The following PSMB8 variants were observed in gnomAD, a reference collection of about 807,000 sequenced individuals.
The protein encoded by PSMB8 is proteasome 20S subunit beta 8.
PSMB8 carries 20 observed loss-of-function variants against 32.3 expected under a neutral mutation model. The observed-to-expected ratio is 0.62, with a 90% CI of 0.44 to 0.90. The LOEUF is 0.90. Ranked by LOEUF, PSMB8 falls within the 40% of genes least tolerant of loss-of-function variation. The pLI is 0.00. For synonymous variants in PSMB8, 131 were observed against 135.4 expected, an observed-to-expected ratio of 0.97 and a Z score of 0.23; for missense variants, 342 against 365.4, an observed-to-expected ratio of 0.94 and a Z score of 0.52.
Position 32,843,965 on chromosome 6 carries a change from C to CG in PSMB8, c.31dup (p.Arg11ProfsTer58), listed in dbSNP as rs775701157. 4.3e-6 allele frequency: 7 copies of CG among 1,612,210 alleles called. No individual in the cohort carries two copies. Among genetic ancestry groups the CG allele is most frequent in the Admixed American group, 3.3e-5 (2 of 59,930 alleles). ...GAGAGCCGATTCCGGCCGCTGCCCT[C>CG]GGGGGGCTCCGCATACATCTAGTAG... On this transcript the variant is annotated frameshift_variant, in exon 1 of 6. Coordinates refer to ENST00000374882, the MANE Select transcript of PSMB8 (RefSeq NM_148919.4). LOFTEE classifies it high-confidence loss of function.
upstream of PSMB8, chr6:32,844,595 TAA>T: frequency 3.0e-6 from 2 of 664,540 alleles, no homozygotes; most frequent in Non-Finnish European, 5.1e-6. Context: ...AACGGTCTCC[TAA>T]CCTGTAGTCA....
chr6:32,840,920 A>T lies in PSMB8; in HGVS notation c.*39T>A. ...GGCTTAGGTCCCTGAGTCGGCCAAG[A>T]CCTCCCAGAGGAGACCTGCCCAGCT... On this transcript the variant is annotated 3_prime_UTR_variant, in exon 6 of 6. Transcript: ENST00000374882. 1 of 1,553,782 alleles carries T rather than the reference A, an allele frequency of 6.4e-7. No homozygotes were observed. Among genetic ancestry groups the T allele is most frequent in the Middle Eastern group, 1.7e-4 (1 of 5,972 alleles).
intron 4 of PSMB8, 97 bp from the exon 5 acceptor site, chr6:32,841,832 T>C: frequency 8.0e-7 from 1 of 1,251,406 alleles, no homozygotes. Context: ...AAAGAATTAA[T>C]ATTACCACAA....
intron 3 of PSMB8, 51 bp from the exon 4 acceptor site, chr6:32,842,314 TTGATGGGGCAGGAAA>T: frequency 6.2e-7 from 1 of 1,600,722 alleles, no homozygotes; most frequent in Non-Finnish European, 8.6e-7. Context: ...TCTTTCCAAC[TTGATGGGGCAGGAAA>T]TGATTAAAGA....
chr6:32,844,566 C>G (rs1770208680), upstream of PSMB8: 1 of 866,946 alleles, frequency 1.2e-6, no homozygotes, highest in African/African-American at 1.7e-5. Context: ...GGGGTCCATC[C>G]TAGGGCCCCT....
At position 32,843,036 on chromosome 6, in the gene PSMB8, A is replaced by C. The variant is rs1051889148; in HGVS notation, c.201T>G (p.Ile67Met). The change falls in exon 2 of 6, where the codon ATT becomes ATG. Residue 67 changes from isoleucine to methionine, a missense_variant. Physicochemically the swap from Ile to Met is conservative, Grantham distance 10. Transcript: ENST00000374882. ...LGGDGERNVQIEMAHGTTTLA... is the reference protein window; with the variant it reads ...LGGDGERNVQMEMAHGTTTLA... The stretch of plus-strand genomic sequence containing the variant: ...GCGTGGTGGTGCCATGGGCCATCTC[A>C]ATCTGAACGTTCCTTTCTCCGTCCC... The C allele has an allele frequency of 1.2e-6, 2 of 1,613,072 alleles. No homozygotes were observed. The highest frequency in any genetic ancestry group is 3.3e-5 in the Admixed American group (2 of 60,028).
chr6:32,843,073 T>A lies in PSMB8; in HGVS notation c.164A>T (p.Gln55Leu). 6.2e-7 allele frequency: 1 copy of A among 1,613,058 alleles called. No homozygotes were observed. Among genetic ancestry groups the A allele is most frequent in the Non-Finnish European group, 8.5e-7 (1 of 1,180,030 alleles). ...PRGMQPTEFF[Q>L]SLGGDGERNV... ...CCTTTCTCCGTCCCCACCCAGGGAC[T>A]GGAAGAATTCTGTGGGCTGATAAGA... Residue 55 changes from glutamine (Q) to leucine (L), a missense_variant, in exon 2 of 6, where the codon CAG (glutamine) becomes CTG (leucine). Gln to Leu is a moderately radical substitution (Grantham distance 113). Coordinates refer to ENST00000374882, the MANE Select transcript of PSMB8 (RefSeq NM_148919.4).
upstream of PSMB8, chr6:32,844,156 G>T (rs1357750068): frequency 2.6e-6 from 4 of 1,513,152 alleles, no homozygotes; most frequent in Admixed American, 2.0e-5. Flanking sequence ...ACTGGGGACC[G>T]GCTTCTCTGC....
At position 32,841,521 on chromosome 6, in the gene PSMB8, G is replaced by T. The variant is rs1375471211; in HGVS notation, c.742+10C>A. On this transcript the variant is annotated intron_variant, in intron 5 of 5. Coordinates refer to ENST00000374882, the MANE Select transcript of PSMB8 (RefSeq NM_148919.4). ...TCCCAGGCATGGTGGTGGGAGCATTGGTCTCTTACTATTGACAACGCCTCC... is the reference window on the plus strand; with the variant it reads ...TCCCAGGCATGGTGGTGGGAGCATTTGTCTCTTACTATTGACAACGCCTCC... The T allele has an allele frequency of 1.2e-6, 2 of 1,610,968 alleles. No homozygotes were observed. Among genetic ancestry groups the T allele is most frequent in the Non-Finnish European group, 1.7e-6 (2 of 1,179,558 alleles).
In PSMB8 at chr6:32,840,842, C is replaced by T. The variant is rs561559176; in HGVS notation, c.*117G>A. 1.1e-4 allele frequency: 92 copies of T among 836,420 alleles called. No individual in the cohort carries two copies. Among genetic ancestry groups the T allele is most frequent in the South Asian group, 3.5e-4 (25 of 70,526 alleles). The allele number at this position is 836,420 out of a possible 1,614,324, so 51.8% of individuals were successfully genotyped here. On this transcript the variant is annotated 3_prime_UTR_variant, in exon 6 of 6. Transcript: ENST00000374882. ...ACCGGCCTCCTCTGGCTGCTGAGCC[C>T]GTACTCTCTCTTTGGCTCAGGCTAG...
chr6:32,841,996 A>T, intron 4 of PSMB8, 138 bp downstream of exon 4: 3 of 1,328,022 alleles, frequency 2.3e-6, no homozygotes, highest in Non-Finnish European at 3.2e-6. Flanking sequence ...GTCCATGGAT[A>T]TACTGAAACA....
upstream of PSMB8, chr6:32,844,240 T>C: frequency 6.2e-7 from 1 of 1,611,118 alleles, no homozygotes; most frequent in Non-Finnish European, 8.5e-7. Context: ...ACAGGCGCCT[T>C]CAAAAGCCCA....
Position 32,841,592 on chromosome 6 carries a change from A to C in PSMB8, c.681T>G (p.Leu227=). The change falls in exon 5 of 6, where the codon CTT becomes CTG. Residue 227 remains leucine (L), a synonymous_variant. Coordinates refer to ENST00000374882, the MANE Select transcript of PSMB8 (RefSeq NM_148919.4). ...TGGCATAAGCAATAGCCCTGCGGCC[A>C]AGGTCATAGGCCTCTTCAGGGCTAA... ...PNLSPEEAYD[L]GRRAIAYATH... The C allele has an allele frequency of 6.2e-7, 1 of 1,613,078 alleles. No individual in the cohort carries two copies. The highest frequency in any genetic ancestry group is 8.5e-7 in the Non-Finnish European group (1 of 1,180,040).
rs56138642 is a variant in PSMB8, at chr6:32,840,843, G to A, written c.*116C>T. ...CCGGCCTCCTCTGGCTGCTGAGCCC[G>A]TACTCTCTCTTTGGCTCAGGCTAGG... On this transcript the variant is annotated 3_prime_UTR_variant, in exon 6 of 6. Coordinates refer to ENST00000374882, the MANE Select transcript of PSMB8 (RefSeq NM_148919.4). 7.5e-5 allele frequency: 63 copies of A among 845,500 alleles called. No homozygotes were observed. Among genetic ancestry groups the A allele is most frequent in the African/African-American group, 4.2e-4 (25 of 59,738 alleles). 52.4% of individuals were successfully genotyped at this position (845,500 alleles called of 1,614,324 possible).
At position 32,842,222 on chromosome 6, in the gene PSMB8, G is replaced by A; in HGVS notation, c.449C>T (p.Ala150Val). Residue 150 changes from alanine (A) to valine (V), a missense_variant, in exon 4 of 6, where the codon GCA (alanine) becomes GTA (valine). Transcript: ENST00000374882. The part of the protein sequence containing the change: ...LRNGERISVS[A>V]ASKLLSNMMC... ...CATGTTGGACAGCAGCTTGGAGGCT[G>A]CCGACACTGAAATACGTTCTCCATT... 1 of 1,613,166 alleles carries A rather than the reference G, an allele frequency of 6.2e-7. No individual in the cohort carries two copies. Among genetic ancestry groups the A allele is most frequent in the South Asian group, 1.1e-5 (1 of 91,092 alleles).
Position 32,842,802 on chromosome 6 carries a change from T to C in PSMB8, c.296-19A>G. Reference sequence around the variant, plus strand: ...AAGGCACCTGGAAGAAGATGGAGCTTTGGGAGAGAAGGGATGACCCCATAG... The same window carrying C: ...AAGGCACCTGGAAGAAGATGGAGCTCTGGGAGAGAAGGGATGACCCCATAG... On this transcript the variant is annotated intron_variant, in intron 2 of 5. Transcript: ENST00000374882. The C allele has an allele frequency of 6.2e-7, 1 of 1,611,212 alleles. No individual in the cohort carries two copies. Among genetic ancestry groups the C allele is most frequent in the Non-Finnish European group, 8.5e-7 (1 of 1,177,396 alleles).
At position 32,842,773 on chromosome 6, in the gene PSMB8, C is replaced by T. The variant is rs150636516; in HGVS notation, c.306G>A (p.Arg102=). Residue 102 remains arginine, a synonymous_variant, in exon 3 of 6, where the codon CGG becomes CGA. Transcript: ENST00000374882. ...GGTTAATCTCAATCACCTTGTTCAC[C>T]CGTAAGGCACCTGGAAGAAGATGGA... ...ASAGSYISAL[R]VNKVIEINPY... 51 of 1,614,154 alleles carry T rather than the reference C, an allele frequency of 3.2e-5. No individual in the cohort carries two copies. The African/African-American group carries it at 5.9e-4, about 19-fold the overall frequency.
rs554683045 is a variant in PSMB8, at chr6:32,841,674, G to T, written c.599C>A (p.Thr200Lys). The T allele has an allele frequency of 6.2e-7, 1 of 1,612,902 alleles. No individual in the cohort carries two copies. Among genetic ancestry groups the T allele is most frequent in the Non-Finnish European group, 8.5e-7 (1 of 1,180,026 alleles). The change falls in exon 5 of 6, where the codon ACG becomes AAG. Residue 200 changes from threonine (T) to lysine (K), a missense_variant. Transcript: ENST00000374882. ...GTRLSGNMFSTGSGNTYAYGV... is the reference protein window; with the variant it reads ...GTRLSGNMFSKGSGNTYAYGV... ...GTAGGCATAAGTGTTCCCACTACCC[G>T]TGGAGAACATATTTCCTGAGAGCCG...
rs773754392 is a variant in PSMB8 at position 32,842,225 on chromosome 6, G to A, written c.446C>T (p.Ser149Leu). 21 of 1,613,034 alleles carry A rather than the reference G, an allele frequency of 1.3e-5. No individual in the cohort carries two copies. The highest frequency in any genetic ancestry group is 2.2e-5 in the East Asian group (1 of 44,902). Residue 149 changes from serine (S) to leucine (L), a missense_variant, in exon 4 of 6, where the codon TCG becomes TTG. By Grantham distance (145) the Ser-to-Leu change is moderately radical. Transcript: ENST00000374882. ...GTTGGACAGCAGCTTGGAGGCTGCC[G>A]ACACTGAAATACGTTCTCCATTTCG... ...YLRNGERISV[S>L]AASKLLSNMM...
Sources: allele counts gnomAD v4.1 joint callset, GRCh38; gene constraint gnomAD v4.1.1; transcripts MANE v1.5; gene names NCBI Gene and HGNC (gene_info 2026-07-23, HGNC 2026-07-21).